The following CADPS2 variants were observed in gnomAD, a reference collection of about 807,000 sequenced individuals.
The protein encoded by CADPS2 is calcium dependent secretion activator 2.
In CADPS2, 93 loss-of-function variants were observed where a neutral mutation model predicts 172.5. The ratio of observed to expected loss-of-function variants is 0.54; its 90% CI spans 0.46 to 0.64. The LOEUF (loss-of-function observed/expected upper bound fraction) is 0.64. Ranked by LOEUF, CADPS2 falls within the 30% of genes least tolerant of loss-of-function variation. The pLI is 0.00. For synonymous variants in CADPS2, 546 were observed against 555.2 expected (o/e 0.98, Z 0.23); for missense variants, 1,420 against 1,565.9 (o/e 0.91, Z 1.57).
chr7:122,859,073 A>G (rs771569960), intron 1 of CADPS2, among the ~76,000 whole-genome samples: 5 of 152,168 alleles, frequency 3.3e-5, no homozygotes, highest in African/African-American at 7.2e-5. Flanking sequence ...ACCTCAACAC[A>G]TACCTCAAAA....
At chr7:122,541,880 T>C (rs1023980987) in intron 8 of CADPS2, among the ~76,000 whole-genome samples, 11 of 131,906 alleles carry the variant, frequency 8.3e-5, no homozygotes, top group Admixed American at 3.8e-4. Flanking sequence ...TATATATTTA[T>C]ATATATTCAT....
At chr7:122,508,258 C>T (rs892752600) in intron 9 of CADPS2, among the ~76,000 whole-genome samples, 1 of 151,784 alleles carries the variant, frequency 6.6e-6, no homozygotes, top group Non-Finnish European at 1.5e-5. Flanking sequence ...AATACTCCCA[C>T]ATATATATGA....
chr7:122,842,508 A>G (rs1810837886), intron 1 of CADPS2, among the ~76,000 whole-genome samples: 1 of 152,176 alleles, frequency 6.6e-6, no homozygotes, highest in Admixed American at 6.5e-5. Context: ...AAAGACTTTG[A>G]TGCTTAATAT....
chr7:122,805,488 T>C (rs1798599980), intron 1 of CADPS2, among the ~76,000 whole-genome samples: 1 of 152,172 alleles, frequency 6.6e-6, no homozygotes, highest in Non-Finnish European at 1.5e-5. Context: ...ACTTCCCTTA[T>C]ATTTTAGATA....
At chr7:122,563,561 C>T (rs2066024734) in intron 7 of CADPS2, among the ~76,000 whole-genome samples, 1 of 152,098 alleles carries the variant, frequency 6.6e-6, no homozygotes, top group Admixed American at 6.6e-5. Context: ...TCGCCCCCCT[C>T]AATTCAACAT....
intron 6 of CADPS2, among the ~76,000 whole-genome samples, chr7:122,583,387 C>G (rs1167537799): frequency 6.6e-6 from 1 of 152,018 alleles, no homozygotes; most frequent in East Asian, 1.9e-4. Flanking sequence ...TTCCTCTCCT[C>G]TCCACCGTCA....
At chr7:122,775,074 A>G (rs2093832844) in intron 1 of CADPS2, among the ~76,000 whole-genome samples, 2 of 152,138 alleles carry the variant, frequency 1.3e-5, no homozygotes, top group South Asian at 4.1e-4. Context: ...CATTTTATAT[A>G]TTCAGTTGCT....
At chr7:122,538,213 A>C (rs1374176894) in intron 8 of CADPS2, among the ~76,000 whole-genome samples, 2 of 151,656 alleles carry the variant, frequency 1.3e-5, no homozygotes, top group African/African-American at 4.8e-5. Flanking sequence ...TGATTTAATG[A>C]GGTTAATATA....
At chr7:122,681,730 AAAT>A (rs1035754148) in intron 2 of CADPS2, 218 of 580,868 alleles carry the variant, frequency 3.8e-4, no homozygotes, top group Non-Finnish European at 5.2e-4. Flanking sequence ...AATTGTAAAA[AAAT>A]AATAATAATA....
chr7:122,547,155 G>T (rs911457579), intron 8 of CADPS2, among the ~76,000 whole-genome samples: 9 of 151,688 alleles, frequency 5.9e-5, no homozygotes, highest in Admixed American at 6.6e-5. Context: ...TAACCCTGGG[G>T]TATACTCTAC....
chr7:122,455,502 G>T (rs2152066633), intron 14 of CADPS2, among the ~76,000 whole-genome samples: 1 of 151,836 alleles, frequency 6.6e-6, no homozygotes, highest in African/African-American at 2.4e-5. Context: ...GTTACTGTTT[G>T]CTTCCTTTGT....
At chr7:122,496,019 C>T (rs1281560628) in intron 9 of CADPS2, among the ~76,000 whole-genome samples, 1 of 152,136 alleles carries the variant, frequency 6.6e-6, no homozygotes, top group Non-Finnish European at 1.5e-5. Flanking sequence ...CCATTTTCCA[C>T]AATCAATTTT....
intron 2 of CADPS2, among the ~76,000 whole-genome samples, chr7:122,713,211 T>C (rs1040363479): frequency 6.6e-6 from 1 of 152,132 alleles, no homozygotes; most frequent in Admixed American, 6.6e-5. Context: ...TATATAATTT[T>C]CACAGTCTTA....
intron 3 of CADPS2, among the ~76,000 whole-genome samples, chr7:122,658,610 T>A (rs1455196862): frequency 6.6e-6 from 1 of 152,130 alleles, no homozygotes; most frequent in African/African-American, 2.4e-5. Flanking sequence ...CTGGAAACCA[T>A]CATTCTCAGC....
chr7:122,579,013 G>C (rs1036327912), intron 7 of CADPS2, among the ~76,000 whole-genome samples: 1 of 152,072 alleles, frequency 6.6e-6, no homozygotes, highest in African/African-American at 2.4e-5. Context: ...CAAGTCATAA[G>C]TTCTATTACA....
At chr7:122,877,392 T>C (rs1161029280) in intron 1 of CADPS2, among the ~76,000 whole-genome samples, 5 of 152,140 alleles carry the variant, frequency 3.3e-5, no homozygotes, top group African/African-American at 1.2e-4. Context: ...ACAAATACTG[T>C]TCTATTCTAA....
rs2050948747 is a variant in CADPS2 at position 122,438,518 on chromosome 7, G to A, written c.2353-54C>T. ...GGGCAGGGTTGGGGATAGACAGATG[G>A]AAGAAAAAAGACAGATGTTGCATAA... On this transcript the variant is annotated intron_variant, in intron 16 of 29. Transcript: ENST00000449022. 4 of 1,568,510 alleles carry A rather than the reference G, an allele frequency of 2.6e-6. No individual in the cohort carries two copies. The Admixed American group carries it at 7.2e-5, about 28-fold the overall frequency.
At chr7:122,662,099 G>A (rs900811937) in intron 3 of CADPS2, among the ~76,000 whole-genome samples, 4 of 152,062 alleles carry the variant, frequency 2.6e-5, no homozygotes, top group South Asian at 2.1e-4. Context: ...CCAATGCAAA[G>A]TAACCAATAT....
At chr7:122,425,468 G>A (rs1181822144) in intron 17 of CADPS2, among the ~76,000 whole-genome samples, 1 of 151,148 alleles carries the variant, frequency 6.6e-6, no homozygotes, top group Non-Finnish European at 1.5e-5. Flanking sequence ...AGGCATGGTG[G>A]TGTGTGCCTG....
Sources: gnomAD v4.1 joint callset for allele counts (sites outside exome capture counted in the v4.1 genomes callset) on GRCh38, gnomAD v4.1.1 for gene constraint, MANE v1.5 for transcripts, NCBI Gene and HGNC (gene_info 2026-07-23, HGNC 2026-07-21) for gene names.